Variants in DENND4A observed in about 807,000 individuals in gnomAD.
The protein encoded by DENND4A is C-myc promoter-binding protein.
A neutral mutation model predicts 199.3 loss-of-function variants in DENND4A; 70 were observed. The ratio of observed to expected loss-of-function variants is 0.35; its 90% CI spans 0.29 to 0.43. The LOEUF (loss-of-function observed/expected upper bound fraction) is 0.43, where lower values mean the gene tolerates loss of function less well. DENND4A is among the 20% of genes least tolerant of loss of function. The pLI is 1.00. For missense variants in DENND4A, 1,723 were observed against 2,255.8 expected (o/e 0.76, Z 4.78); for synonymous variants, 686 against 766.9 (o/e 0.89, Z 1.74).
At chr15:65,720,556 C>T (rs531645192) in intron 12 of DENND4A, among the ~76,000 whole-genome samples, 5 of 151,990 alleles carry the variant, frequency 3.3e-5, no homozygotes, top group South Asian at 2.1e-4. Context: ...GGACAACAAG[C>T]GTGCACCACC....
At chr15:65,736,107 AT>A (rs1175400691) in intron 7 of DENND4A, among the ~76,000 whole-genome samples, 1 of 152,140 alleles carries the variant, frequency 6.6e-6, no homozygotes, top group Non-Finnish European at 1.5e-5. Flanking sequence ...AACAAATGTG[AT>A]TTTTTAATAT....
In DENND4A at chr15:65,746,369, C is replaced by CTTTTTTTT. The variant is rs573935476; in HGVS notation, c.562-4593_562-4586dup. 3.4e-3 allele frequency among the ~76,000 whole-genome samples: 177 copies of CTTTTTTTT among 51,322 alleles called. 13 individuals are homozygous for CTTTTTTTT. Among genetic ancestry groups the CTTTTTTTT allele is most frequent in the Non-Finnish European group, 4.5e-3 (124 of 27,598 alleles). 33.7% of individuals were successfully genotyped at this position (51,322 alleles called of 152,430 possible). A position where few individuals can be genotyped will look rare whatever the true frequency, so the allele number is the denominator to read the frequency against. On this transcript the variant is annotated intron_variant, in intron 4 of 32. Transcript: ENST00000443035. ...CTTGTTAACAATTCTACTTTTTTCTCTTTTTTTTTTTTTTTTTTTTTTTTT... is the reference window on the plus strand; with the variant it reads ...CTTGTTAACAATTCTACTTTTTTCTCTTTTTTTTTTTTTTTTTTTTTTTTTTTTTTTTT...
Position 65,660,156 on chromosome 15 carries a change from T to G in DENND4A, c.*1695A>C. On this transcript the variant is annotated 3_prime_UTR_variant, in exon 33 of 33. Coordinates refer to ENST00000443035, the MANE Select transcript of DENND4A (RefSeq NM_001320835.1). The stretch of plus-strand genomic sequence containing the variant: ...GGATCTGAATAGTAAAGAATAATAT[T>G]GGAGTGGTATTTACAAAGGAGAGGC... 1.5e-6 allele frequency: 1 copy of G among 646,230 alleles called. No individual in the cohort carries two copies. The highest frequency in any genetic ancestry group is 2.5e-5 in the Admixed American group (1 of 40,780). 40.0% of individuals were successfully genotyped at this position (646,230 alleles called of 1,614,324 possible).
At chr15:65,665,576 G>A in intron 29 of DENND4A, 114 bp from the exon 30 acceptor site, 1 of 739,908 alleles carries the variant, frequency 1.4e-6, no homozygotes, top group Admixed American at 3.2e-5. Context: ...ACAGAAAAGA[G>A]AACAGAAAAA....
rs745794028 is a variant in DENND4A, at chr15:65,676,458, A to C, written c.4356T>G (p.Ser1452=). The stretch of plus-strand genomic sequence containing the variant: ...GTTTGGACAAACCTTCCAAGGATGC[A>C]GAACTTTCCAGGCTTATTCGGCTGA... ...IDLSRISLES[S]ASLEGSLSKF... The change falls in exon 24 of 33, where the codon TCT becomes TCG. Residue 1452 remains serine, a synonymous_variant. Transcript: ENST00000443035. The C allele has an allele frequency of 1.1e-5, 17 of 1,606,432 alleles. No individual in the cohort carries two copies. The African/African-American group carries it at 2.0e-4, about 19-fold the overall frequency.
In DENND4A at chr15:65,661,217, AT is replaced by A. The variant is rs1238789412; in HGVS notation, c.*633del. The A allele has an allele frequency of 6.6e-6, 1 of 152,200 alleles. No individual in the cohort carries two copies. The highest frequency in any genetic ancestry group is 2.4e-5 in the African/African-American group (1 of 41,446). 9.4% of individuals were successfully genotyped at this position (152,200 alleles called of 1,614,324 possible). A position where few individuals can be genotyped will look rare whatever the true frequency, so the allele number is the denominator to read the frequency against. ...GACAACACTTGACACTAGCACTGAC[AT>A]TTTAAAATTCATTCTCCCAAGTAAT... On this transcript the variant is annotated 3_prime_UTR_variant, in exon 33 of 33. Transcript: ENST00000443035.
intron 1 of DENND4A, among the ~76,000 whole-genome samples, chr15:65,769,339 C>T (rs904381644): frequency 1.3e-5 from 2 of 151,850 alleles, no homozygotes; most frequent in African/African-American, 4.8e-5. Flanking sequence ...TTTTTTCCTC[C>T]ACAAACATAA....
In DENND4A at chr15:65,662,299, T is replaced by C. The variant is rs147463436; in HGVS notation, c.5588-312A>G. ...AAATAATAGCCTTTTCCCACCAGGA[T>C]TGACAAAAAGTTTTTTTGCCCATAT... is the stretch of plus-strand genomic sequence containing the variant. On this transcript the variant is annotated intron_variant, in intron 32 of 32. Coordinates refer to ENST00000443035, the MANE Select transcript of DENND4A (RefSeq NM_001320835.1). 3.9e-4 allele frequency among the ~76,000 whole-genome samples: 59 copies of C among 152,358 alleles called. No homozygotes were observed. The East Asian group carries it at 9.6e-3, about 25-fold the overall frequency.
At chr15:65,672,575 C>A (rs547610581) in intron 24 of DENND4A, among the ~76,000 whole-genome samples, 4 of 145,936 alleles carry the variant, frequency 2.7e-5, no homozygotes, top group Non-Finnish European at 6.0e-5. Context: ...TTTGAGGTTA[C>A]AATGAGAGCG....
At chr15:65,700,486 T>C (rs910417066) in intron 20 of DENND4A, 58 bp downstream of exon 20, 13 of 1,150,448 alleles carry the variant, frequency 1.1e-5, no homozygotes, top group Non-Finnish European at 1.5e-5. Flanking sequence ...AAACATAGGC[T>C]AGCAAATCTA....
intron 22 of DENND4A, among the ~76,000 whole-genome samples, chr15:65,694,370 A>G (rs1477403681): frequency 5.9e-5 from 9 of 151,826 alleles, no homozygotes; most frequent in Admixed American, 5.9e-4. Context: ...AATTGCTTGA[A>G]CCCAGGAAGC....
At chr15:65,791,474 G>C (rs1434922896) in intron 1 of DENND4A, among the ~76,000 whole-genome samples, 16 of 133,572 alleles carry the variant, frequency 1.2e-4, no homozygotes, top group Non-Finnish European at 1.7e-4. Flanking sequence ...CCCCCAAAAA[G>C]ACTAGAAAAA....
At chr15:65,720,745 T>G (rs910841604) in intron 12 of DENND4A, among the ~76,000 whole-genome samples, 1 of 151,254 alleles carries the variant, frequency 6.6e-6, no homozygotes, top group African/African-American at 2.4e-5. Flanking sequence ...AGCTTCATCC[T>G]TGTTAACTGT....
chr15:65,763,049 T>G (rs1480709230), intron 1 of DENND4A, among the ~76,000 whole-genome samples: 1 of 152,184 alleles, frequency 6.6e-6, no homozygotes, highest in Non-Finnish European at 1.5e-5. Flanking sequence ...TGAGTCATTT[T>G]AAACACTAGA....
chr15:65,788,858 A>G, intron 1 of DENND4A, among the ~76,000 whole-genome samples: 2 of 148,026 alleles, frequency 1.4e-5, no homozygotes, highest in African/African-American at 5.1e-5. Context: ...TTGTCTTAAA[A>G]AAAAAAAAAA....
rs189440031 is a variant in DENND4A at position 65,678,774 on chromosome 15, C to T, written c.4180-2140G>A. On this transcript the variant is annotated intron_variant, in intron 23 of 32. Coordinates refer to ENST00000443035, the MANE Select transcript of DENND4A (RefSeq NM_001320835.1). Reference sequence around the variant, plus strand: ...ATGTGATCACAGCTCATAGCAGCCTCGACTCCTCAGGCTCAGGTGATCCTC... The same window carrying T: ...ATGTGATCACAGCTCATAGCAGCCTTGACTCCTCAGGCTCAGGTGATCCTC... Among the ~76,000 whole-genome samples, 340 of 152,280 alleles carry T rather than the reference C, an allele frequency of 2.2e-3. 1 individual carries two copies. The highest frequency in any genetic ancestry group is 3.6e-3 in the Non-Finnish European group (242 of 68,026).
chr15:65,672,322 G>A lies in DENND4A; in HGVS notation c.4370-436C>T, dbSNP rs2076241803. On this transcript the variant is annotated intron_variant, in intron 24 of 32. Coordinates refer to ENST00000443035, the MANE Select transcript of DENND4A (RefSeq NM_001320835.1). The stretch of plus-strand genomic sequence containing the variant: ...TTTAGTGGCAATTCTCTCCTTATAA[G>A]GGTCTTTTAAGAACTAGAATAGCTG... 2.0e-5 allele frequency among the ~76,000 whole-genome samples: 3 copies of A among 152,122 alleles called. No homozygotes were observed. In the South Asian group the frequency reaches 6.2e-4, roughly 32 times the overall value.
intron 4 of DENND4A, among the ~76,000 whole-genome samples, chr15:65,746,676 G>T (rs536702831): frequency 4.6e-5 from 7 of 151,124 alleles, no homozygotes; most frequent in Non-Finnish European, 8.8e-5. Flanking sequence ...CACAGCACCC[G>T]GCTCAATTCT....
intron 7 of DENND4A, among the ~76,000 whole-genome samples, chr15:65,736,720 T>C (rs931638892): frequency 6.6e-6 from 1 of 152,134 alleles, no homozygotes; most frequent in Non-Finnish European, 1.5e-5. Flanking sequence ...TCCCTCCCTT[T>C]TCTACCTACA....
Sources: gnomAD v4.1 joint callset for allele counts (sites outside exome capture counted in the v4.1 genomes callset) on GRCh38, gnomAD v4.1.1 for gene constraint, MANE v1.5 for transcripts, NCBI Gene and HGNC (gene_info 2026-07-23, HGNC 2026-07-21) for gene names.